VPS13B: variants seen among roughly 807,000 people sequenced by gnomAD.
VPS13B encodes the protein intermembrane lipid transfer protein VPS13B.
In VPS13B, 285 loss-of-function variants were observed where a neutral mutation model predicts 426.4. The ratio of observed to expected loss-of-function variants is 0.67; its 90% CI spans 0.61 to 0.74. VPS13B has a LOEUF of 0.74. Among genes scored for constraint, VPS13B ranks in the 30% least tolerant of loss-of-function variants. The pLI is 0.00. For synonymous variants in VPS13B, 1,676 were observed against 1,676.4 expected (o/e 1.00, Z 0.01); for missense variants, 4,537 against 4,782.6 (o/e 0.95, Z 1.51).
intron 19 of VPS13B, among the ~76,000 whole-genome samples, chr8:99,363,721 G>C (rs1439292945): frequency 6.6e-6 from 1 of 151,984 alleles, no homozygotes; most frequent in African/African-American, 2.4e-5. Context: ...TATTTTATTT[G>C]TAGCTATTGT....
chr8:99,870,202 G>C (rs1817324537), intron 59 of VPS13B, among the ~76,000 whole-genome samples: 1 of 151,908 alleles, frequency 6.6e-6, no homozygotes, highest in South Asian at 2.1e-4. Context: ...ACAGGGTTTT[G>C]CTGTCACCCA....
At chr8:99,414,011 A>G (rs918730814) in intron 21 of VPS13B, among the ~76,000 whole-genome samples, 6 of 152,194 alleles carry the variant, frequency 3.9e-5, no homozygotes, top group African/African-American at 9.7e-5. Context: ...TGATCTGTCT[A>G]ACATTGACAA....
chr8:99,875,168 T>C (rs1817637065), intron 61 of VPS13B: 2 of 543,380 alleles, frequency 3.7e-6, no homozygotes, highest in African/African-American at 1.9e-5. Flanking sequence ...CATGGGAATT[T>C]TATGCAACAC....
rs2132431451 is a variant in VPS13B at position 99,096,329 on chromosome 8, T to C, written c.309T>C (p.Cys103=). ...KDGIQDDHES[C]GSNSTNRSTA... is the part of the protein sequence containing the mutation. ...AAAAATAGGATGACCATGAAAGCTG[T>C]GGTTCTAATTCTACCAACCGTAGTA... The change falls in exon 4 of 62, where the codon TGT becomes TGC. Residue 103 remains cysteine, a synonymous_variant. Coordinates refer to ENST00000357162, the MANE Select transcript of VPS13B (RefSeq NM_152564.5). 3.1e-6 allele frequency: 5 copies of C among 1,614,150 alleles called. No homozygotes were observed. The highest frequency in any genetic ancestry group is 4.2e-6 in the Non-Finnish European group (5 of 1,179,970).
At chr8:99,193,338 A>G (rs188829562) in intron 17 of VPS13B, among the ~76,000 whole-genome samples, 62 of 152,244 alleles carry the variant, frequency 4.1e-4, no homozygotes, top group African/African-American at 1.4e-3. Flanking sequence ...GAGGGTATCA[A>G]TGTATGTGTT....
chr8:99,622,198 AT>A (rs1226219491), intron 33 of VPS13B, among the ~76,000 whole-genome samples: 1 of 151,798 alleles, frequency 6.6e-6, no homozygotes, highest in Non-Finnish European at 1.5e-5. Flanking sequence ...AATCCATGAA[AT>A]TTTTTCACTT....
At chr8:99,557,133 TC>T (rs956129209) in intron 31 of VPS13B, among the ~76,000 whole-genome samples, 3 of 152,118 alleles carry the variant, frequency 2.0e-5, no homozygotes, top group African/African-American at 7.2e-5. Context: ...TGTTGATAGA[TC>T]TTTTTAAATT....
intron 15 of VPS13B, among the ~76,000 whole-genome samples, chr8:99,165,235 A>C (rs1360598654): frequency 6.6e-6 from 1 of 152,110 alleles, no homozygotes; most frequent in African/African-American, 2.4e-5. Flanking sequence ...ATACATTGTT[A>C]TTTACTATAG....
chr8:99,412,263 T>G (rs1214396135), intron 21 of VPS13B, among the ~76,000 whole-genome samples: 1 of 152,226 alleles, frequency 6.6e-6, no homozygotes, highest in African/African-American at 2.4e-5. Context: ...TGGTTTGTAG[T>G]TCTCCTTGAA....
intron 39 of VPS13B, among the ~76,000 whole-genome samples, chr8:99,765,224 G>A (rs1811156144): frequency 6.6e-6 from 1 of 152,126 alleles, no homozygotes; most frequent in Non-Finnish European, 1.5e-5. Context: ...CAGCCTGGGT[G>A]AAAAAGCAAA....
At chr8:99,525,827 T>A (rs1209325466) in intron 30 of VPS13B, among the ~76,000 whole-genome samples, 1 of 152,194 alleles carries the variant, frequency 6.6e-6, no homozygotes, top group African/African-American at 2.4e-5. Flanking sequence ...ATGGACAGCA[T>A]GGCTTAGTTA....
At chr8:99,320,095 T>G (rs1809894999) in intron 19 of VPS13B, among the ~76,000 whole-genome samples, 1 of 152,202 alleles carries the variant, frequency 6.6e-6, no homozygotes, top group Non-Finnish European at 1.5e-5. Context: ...TTTCAATGTT[T>G]TAGAACTTGT....
chr8:99,751,919 G>T (rs1478789903), intron 39 of VPS13B, among the ~76,000 whole-genome samples: 1 of 152,190 alleles, frequency 6.6e-6, no homozygotes, highest in Non-Finnish European at 1.5e-5. Flanking sequence ...CACACAGGGA[G>T]TTGTATTATA....
intron 56 of VPS13B, among the ~76,000 whole-genome samples, chr8:99,857,680 C>T (rs182629157): frequency 4.3e-4 from 65 of 152,248 alleles, no homozygotes; most frequent in African/African-American, 1.5e-3. Context: ...CCTGTGAGGC[C>T]GTGGAAGCAG....
chr8:99,507,158 A>G lies in VPS13B; in HGVS notation c.4179A>G (p.Ser1393=), dbSNP rs769901455. The G allele has an allele frequency of 3.1e-6, 5 of 1,613,916 alleles. No homozygotes were observed. Among genetic ancestry groups the G allele is most frequent in the East Asian group, 4.5e-5 (2 of 44,862 alleles). ...CCAGGCCAGGGGAAGGTTGGCAGTC[A>G]GGACATTTTGAAGGAGTATTTCTAC... ...YRSRPGEGWQ[S]GHFEGVFLQC... The change falls in exon 28 of 62, where the codon TCA becomes TCG. Residue 1393 remains serine (S), a synonymous_variant. Coordinates refer to ENST00000357162, the MANE Select transcript of VPS13B (RefSeq NM_152564.5).
intron 42 of VPS13B, among the ~76,000 whole-genome samples, chr8:99,780,350 A>C (rs1040783960): frequency 3.3e-5 from 5 of 152,210 alleles, no homozygotes; most frequent in Admixed American, 1.3e-4. Flanking sequence ...TTGGTATCAG[A>C]ACCATTATAA....
chr8:99,201,571 G>A (rs1429232485), intron 17 of VPS13B, among the ~76,000 whole-genome samples: 1 of 152,122 alleles, frequency 6.6e-6, no homozygotes, highest in African/African-American at 2.4e-5. Context: ...TTGTGAATGA[G>A]TTTAAGAGGC....
intron 3 of VPS13B, among the ~76,000 whole-genome samples, chr8:99,083,997 T>C (rs1845629060): frequency 6.6e-6 from 1 of 152,158 alleles, no homozygotes; most frequent in South Asian, 2.1e-4. Flanking sequence ...GGGTTCCCTC[T>C]TTTTCTATTG....
chr8:99,644,116 G>A (rs1406919704), intron 34 of VPS13B, among the ~76,000 whole-genome samples: 1 of 152,108 alleles, frequency 6.6e-6, no homozygotes. Context: ...GGGGCCGAGA[G>A]GAACAGCTAT....
Sources: gnomAD v4.1 joint callset for allele counts (sites outside exome capture counted in the v4.1 genomes callset) on GRCh38, gnomAD v4.1.1 for gene constraint, MANE v1.5 for transcripts, NCBI Gene and HGNC (gene_info 2026-07-23, HGNC 2026-07-21) for gene names.